The following CTNNB1 variants were observed in gnomAD, a reference collection of about 807,000 sequenced individuals.
CTNNB1 encodes the protein catenin beta-1.
CTNNB1 carries 6 observed loss-of-function variants against 82.5 expected under a neutral mutation model. The ratio of observed to expected loss-of-function variants is 0.07; its 90% CI spans 0.04 to 0.14. The LOEUF (loss-of-function observed/expected upper bound fraction) is 0.14. Among genes scored for constraint, CTNNB1 ranks in the 10% least tolerant of loss-of-function variants. The pLI, the probability that CTNNB1 is intolerant of heterozygous loss-of-function variation, is 1.00. For missense variants in CTNNB1, 529 were observed against 980.4 expected (o/e 0.54, Z 6.15); for synonymous variants, 312 against 329.7 (o/e 0.95, Z 0.58).
At chr3:41,230,856 T>G (rs748918435) in intron 7 of CTNNB1, among the ~76,000 whole-genome samples, 3 of 152,186 alleles carry the variant, frequency 2.0e-5, no homozygotes, top group Admixed American at 6.5e-5. Context: ...GGAAGAAGAA[T>G]AATTGTCTTG....
chr3:41,238,274 C>G (rs1195884526), intron 14 of CTNNB1, 198 bp downstream of exon 14: 10 of 603,164 alleles, frequency 1.7e-5, no homozygotes, highest in Non-Finnish European at 3.0e-5. Flanking sequence ...CAATGAGTAG[C>G]AGTAGGATTA....
rs962930777 is a variant in CTNNB1, at chr3:41,225,967, C to G, written c.936+106C>G. 1.9e-6 allele frequency: 2 copies of G among 1,042,048 alleles called. No individual in the cohort carries two copies. The highest frequency in any genetic ancestry group is 3.2e-5 in the African/African-American group (2 of 63,288). The allele number at this position is 1,042,048 out of a possible 1,614,324, so 64.6% of individuals were successfully genotyped here. ...CCTTTTTGGCACCAGGGACCAGTTT[C>G]GTGGAAAACAGTTTTTCCATGAATG... On this transcript the variant is annotated intron_variant, in intron 6 of 14. Coordinates refer to ENST00000349496, the MANE Select transcript of CTNNB1 (RefSeq NM_001904.4). The surrounding 1 kb of genome is among the most constrained non-coding windows in gnomAD (Gnocchi z 5.3).
chr3:41,217,015 A>G (rs2077930313), intron 1 of CTNNB1, among the ~76,000 whole-genome samples: 1 of 152,160 alleles, frequency 6.6e-6, no homozygotes, highest in Non-Finnish European at 1.5e-5. Context: ...TAAGTCATAC[A>G]TCACATTGCT....
chr3:41,206,919 A>T (rs1251591533), intron 1 of CTNNB1, among the ~76,000 whole-genome samples: 1 of 152,220 alleles, frequency 6.6e-6, no homozygotes, highest in Non-Finnish European at 1.5e-5. Context: ...TACAAAAGTT[A>T]CAAACTGAAT....
chr3:41,221,836 C>T (rs2078055868), intron 1 of CTNNB1: 1 of 152,116 alleles, frequency 6.6e-6, no homozygotes, highest in Non-Finnish European at 1.5e-5. Flanking sequence ...TCTGAAATGT[C>T]TACTGGTTGG....
chr3:41,236,166 A>AG, intron 11 of CTNNB1, 183 bp from the exon 12 acceptor site: 1 of 839,390 alleles, frequency 1.2e-6, no homozygotes, highest in Middle Eastern at 3.7e-4. Context: ...ATAGCTAAAA[A>AG]ATATTATGGA....
At chr3:41,216,338 T>G (rs896978537) in intron 1 of CTNNB1, among the ~76,000 whole-genome samples, 3 of 152,248 alleles carry the variant, frequency 2.0e-5, no homozygotes, top group Non-Finnish European at 4.4e-5. Context: ...GATATAAAGA[T>G]GCTGTAAGTG....
intron 1 of CTNNB1, among the ~76,000 whole-genome samples, chr3:41,203,068 T>C (rs919769010): frequency 6.6e-6 from 1 of 150,870 alleles, no homozygotes. Context: ...CTCATGGGCA[T>C]CTCTTCTGTT....
rs2078134628 is a variant in CTNNB1, at chr3:41,224,744, C to G, written c.232C>G (p.Gln78Glu). The G allele has an allele frequency of 6.2e-7, 1 of 1,613,348 alleles. No individual in the cohort carries two copies. Among genetic ancestry groups the G allele is most frequent in the Non-Finnish European group, 8.5e-7 (1 of 1,179,580 alleles). ...ATTTTCTCAGTCCTTCACTCAAGAA[C>G]AAGTAGCTGGTAAGAGTATTATTTT... The part of the protein sequence containing the change: ...QGFSQSFTQE[Q>E]VADIDGQYAM... The change falls in exon 3 of 15, where the codon CAA (glutamine) becomes GAA (glutamate). Residue 78 changes from glutamine to glutamate, a missense_variant. Physicochemically the swap from Gln to Glu is conservative, Grantham distance 29. Transcript: ENST00000349496.
rs2125618089 is a variant in CTNNB1 at position 41,224,707 on chromosome 3, G to T, written c.195G>T (p.Glu65Asp). 2 of 1,614,014 alleles carry T rather than the reference G, an allele frequency of 1.2e-6. No homozygotes were observed. Among genetic ancestry groups the T allele is most frequent in the Non-Finnish European group, 1.7e-6 (2 of 1,179,958 alleles). ...EDVDTSQVLYEWEQGFSQSFT... is the reference protein window; with the variant it reads ...EDVDTSQVLYDWEQGFSQSFT... Reference sequence around the variant, plus strand: ...TGGATACCTCCCAAGTCCTGTATGAGTGGGAACAGGGATTTTCTCAGTCCT... The same window carrying T: ...TGGATACCTCCCAAGTCCTGTATGATTGGGAACAGGGATTTTCTCAGTCCT... Residue 65 changes from glutamate to aspartate, a missense_variant, in exon 3 of 15, where the codon GAG (glutamate) becomes GAT (aspartate). By Grantham distance (45) the Glu-to-Asp change is conservative. This residue lies in a region of CTNNB1 where 411 missense variants were observed against 776.4 expected (regional missense o/e 0.53). Transcript: ENST00000349496.
chr3:41,235,848 G>GT lies in CTNNB1; in HGVS notation c.1803+9dup, dbSNP rs776456863. ...ACCATTCCATTGTTTGTGCAGGTAT[G>GT]TTTTAAGTGAAGTGTTCTAGGTTTT... On this transcript the variant is annotated splice_donor_region_variant and intron_variant, in intron 11 of 14. Transcript: ENST00000349496. 35 of 1,614,040 alleles carry GT rather than the reference G, an allele frequency of 2.2e-5. No individual in the cohort carries two copies. Among genetic ancestry groups the GT allele is most frequent in the Non-Finnish European group, 2.9e-5 (34 of 1,179,936 alleles).
At chr3:41,208,306 C>T (rs2077696525) in intron 1 of CTNNB1, among the ~76,000 whole-genome samples, 1 of 152,126 alleles carries the variant, frequency 6.6e-6, no homozygotes. Flanking sequence ...CAGTCTGGTA[C>T]AAATTTTGAT....
chr3:41,209,991 T>G (rs535387252), intron 1 of CTNNB1, among the ~76,000 whole-genome samples: 4 of 152,340 alleles, frequency 2.6e-5, no homozygotes, highest in Non-Finnish European at 5.9e-5. Context: ...CTTAAATTAC[T>G]GTCACTTTTT....
intron 1 of CTNNB1, among the ~76,000 whole-genome samples, chr3:41,214,893 G>A (rs62258384): frequency 0.015 from 2,215 of 152,260 alleles, 21 homozygotes; most frequent in Middle Eastern, 0.034. Context: ...GCTTATGTAA[G>A]TGTGCATATT....
At chr3:41,204,560 A>G (rs1360204196) in intron 1 of CTNNB1, among the ~76,000 whole-genome samples, 1 of 152,186 alleles carries the variant, frequency 6.6e-6, no homozygotes, top group East Asian at 1.9e-4. Context: ...TTAAAAATTG[A>G]AGTGCACATG....
intron 1 of CTNNB1, chr3:41,221,885 G>T (rs1230741362): frequency 6.6e-6 from 1 of 152,012 alleles, no homozygotes; most frequent in African/African-American, 2.4e-5. Context: ...TTCTTCTGTT[G>T]TATTTTTTGT....
At chr3:41,199,757 C>G (rs1160367615) in intron 1 of CTNNB1, 87 bp downstream of exon 1, 1 of 149,128 alleles carries the variant, frequency 6.7e-6, no homozygotes, top group Non-Finnish European at 1.5e-5. Context: ...GCGGTCCGGG[C>G]GGCGGGCTGG....
intron 1 of CTNNB1, among the ~76,000 whole-genome samples, chr3:41,215,395 A>C (rs1241539894): frequency 1.3e-5 from 2 of 150,366 alleles, no homozygotes; most frequent in African/African-American, 4.9e-5. Flanking sequence ...AAAAAAAAAA[A>C]AAAAAAAAAC....
At chr3:41,211,002 G>C (rs1247538563) in intron 1 of CTNNB1, 1 of 456,126 alleles carries the variant, frequency 2.2e-6, no homozygotes, top group Non-Finnish European at 4.4e-6. Context: ...TCTGTTGCCA[G>C]GGCTGGCCTT....
Sources: allele counts gnomAD v4.1 joint callset (sites outside exome capture counted in the v4.1 genomes callset), GRCh38; gene constraint gnomAD v4.1.1; regional missense constraint gnomAD v4.1.1; non-coding constraint Gnocchi (gnomAD v3.1); transcripts MANE v1.5; gene names NCBI Gene and HGNC (gene_info 2026-07-23, HGNC 2026-07-21).